The following EME2 variants were observed in gnomAD, a reference collection of about 807,000 sequenced individuals.
EME2 encodes the protein essential meiotic structure-specific endonuclease subunit 2.
Under a neutral mutation model 41.9 loss-of-function variants are expected in EME2, and 58 were observed. That is an observed-to-expected ratio of 1.38 (90% CI 1.12 to 1.72). EME2 has a LOEUF of 1.72. Among genes scored for constraint, EME2 ranks in the 40% most tolerant of loss-of-function variants. The pLI is 0.00. For synonymous variants in EME2, 334 were observed against 239.3 expected, an observed-to-expected ratio of 1.40 and a Z score of -3.65; for missense variants, 695 against 541.9, an observed-to-expected ratio of 1.28 and a Z score of -2.81.
At chr16:1,774,810 A>C in intron 3 of EME2, 1 of 597,360 alleles carries the variant, frequency 1.7e-6, no homozygotes, top group South Asian at 2.0e-5. Context: ...TGAGGGGCTC[A>C]ATGGAACTGA....
Position 1,776,244 on chromosome 16 carries a change from C to G in EME2, c.*6C>G, listed in dbSNP as rs746546478. The G allele has an allele frequency of 6.2e-7, 1 of 1,611,970 alleles. No homozygotes were observed. The highest frequency in any genetic ancestry group is 1.7e-5 in the Admixed American group (1 of 59,954). ...TGCTGGACCTGGGCTCCTGACCACA[C>G]GTGGGACCACCAGGACAGCATGCAG... On this transcript the variant is annotated 3_prime_UTR_variant, in exon 8 of 8. Transcript: ENST00000568449.
chr16:1,777,024 A>G lies in EME2; in HGVS notation c.*786A>G, dbSNP rs941886713. ...TCCGCCCTGGAGTGTGGCTGGAAGG[A>G]AGGGACAGAGAAAGAAGGGACAGAG... On this transcript the variant is annotated 3_prime_UTR_variant, in exon 8 of 8. Coordinates refer to ENST00000568449, the MANE Select transcript of EME2 (RefSeq NM_001257370.2). The G allele has an allele frequency of 1.3e-6, 2 of 1,514,060 alleles. No homozygotes were observed. Among genetic ancestry groups the G allele is most frequent in the African/African-American group, 1.4e-5 (1 of 72,546 alleles). The allele number at this position is 1,514,060 out of a possible 1,614,324, so 93.8% of individuals were successfully genotyped here.
At position 1,778,595 on chromosome 16, in the gene EME2, G is replaced by A. The variant is rs779190396; in HGVS notation, c.*2357G>A. The A allele has an allele frequency of 1.7e-5, 26 of 1,572,118 alleles. No homozygotes were observed. The highest frequency in any genetic ancestry group is 1.6e-4 in the Admixed American group (9 of 56,762). On this transcript the variant is annotated 3_prime_UTR_variant, in exon 8 of 8. Transcript: ENST00000568449. ...GCGGCAGCGTGGAGTACTCGGGGTC[G>A]GAGTCCGAGTCGCTGTGCTGGGAGA...
Position 1,781,332 on chromosome 16 carries a change from C to T in EME2, c.*5094C>T, listed in dbSNP as rs770544428. 8.7e-6 allele frequency: 14 copies of T among 1,612,878 alleles called. No individual in the cohort carries two copies. Among genetic ancestry groups the T allele is most frequent in the Non-Finnish European group, 1.1e-5 (13 of 1,179,992 alleles). ...GCATCTCCACACCTTAGGCCAGCCA[C>T]GTCCGCCTCGCCCGCTGGAACCTAC... On this transcript the variant is annotated 3_prime_UTR_variant, in exon 8 of 8. Transcript: ENST00000568449.
chr16:1,773,078 C>A lies in EME2; in HGVS notation c.-150C>A. The A allele has an allele frequency of 7.1e-7, 1 of 1,413,774 alleles. No homozygotes were observed. Among genetic ancestry groups the A allele is most frequent in the South Asian group, 1.6e-5 (1 of 64,172 alleles). The allele number at this position is 1,413,774 out of a possible 1,614,324, so 87.6% of individuals were successfully genotyped here. ...CCCGCAGGGCGCGCACGCGGCGGGC[C>A]AGCTCCGCGATCAGCCGCGGACGCA... On this transcript the variant is annotated 5_prime_UTR_variant, in exon 1 of 8. Coordinates refer to ENST00000568449, the MANE Select transcript of EME2 (RefSeq NM_001257370.2).
chr16:1,774,490 C>T, intron 3 of EME2, 138 bp downstream of exon 3: 1 of 685,264 alleles, frequency 1.5e-6, no homozygotes. Context: ...CTCTCTGATC[C>T]AAAGCCGTAG....
intron 4 of EME2, 87 bp from the exon 5 acceptor site, chr16:1,775,228 C>T (rs938045447): frequency 3.8e-6 from 6 of 1,587,728 alleles, no homozygotes; most frequent in African/African-American, 1.3e-5. Flanking sequence ...CAGCTGATCC[C>T]ACTTCTCCAG....
intron 4 of EME2, 37 bp from the exon 5 acceptor site, chr16:1,775,278 C>A (rs745566660): frequency 6.2e-7 from 1 of 1,606,358 alleles, no homozygotes; most frequent in Non-Finnish European, 8.5e-7. Flanking sequence ...AGGGCAGGCC[C>A]CATGGGGAGC....
Position 1,778,493 on chromosome 16 carries a change from A to G in EME2, c.*2255A>G. 3.1e-6 allele frequency: 5 copies of G among 1,611,978 alleles called. No homozygotes were observed. The highest frequency in any genetic ancestry group is 4.2e-6 in the Non-Finnish European group (5 of 1,179,586). ...CCCGGTGGGCCGAGTGCAGGCTGCTACAGAAGGAGGCCTCGCTCTGCCCAG... is the reference window on the plus strand; with the variant it reads ...CCCGGTGGGCCGAGTGCAGGCTGCTGCAGAAGGAGGCCTCGCTCTGCCCAG... On this transcript the variant is annotated 3_prime_UTR_variant, in exon 8 of 8. Transcript: ENST00000568449.
rs2042694116 is a variant in EME2, at chr16:1,775,331, T to TC, written c.589dup (p.Arg197ProfsTer113). 1 of 1,610,534 alleles carries TC rather than the reference T, an allele frequency of 6.2e-7. No individual in the cohort carries two copies. The highest frequency in any genetic ancestry group is 1.1e-5 in the South Asian group (1 of 91,082). On this transcript the variant is annotated frameshift_variant, in exon 5 of 8. Coordinates refer to ENST00000568449, the MANE Select transcript of EME2 (RefSeq NM_001257370.2). LOFTEE classifies it high-confidence loss of function. ...TCTGCTCAGGTCTCGCCAGCACGTT[T>TC]CCCGGGGGACACAGCAGCCAGAGAG...
rs1473220751 is a variant in EME2 at position 1,776,160 on chromosome 16, G to A, written c.1062G>A (p.Val354=). The change falls in exon 8 of 8, where the codon GTG becomes GTA. Residue 354 remains valine, a synonymous_variant. Coordinates refer to ENST00000568449, the MANE Select transcript of EME2 (RefSeq NM_001257370.2). ...GTGAAGGCGGGCGTCCCCGCAGGGTGGGGCCTGACCTCTCCCGCCGCATCT... is the reference window on the plus strand; with the variant it reads ...GTGAAGGCGGGCGTCCCCGCAGGGTAGGGCCTGACCTCTCCCGCCGCATCT... ...PPSEGGRPRR[V]GPDLSRRICL... The A allele has an allele frequency of 1.9e-6, 3 of 1,612,496 alleles. No individual in the cohort carries two copies. Among genetic ancestry groups the A allele is most frequent in the African/African-American group, 2.7e-5 (2 of 75,066 alleles).
intron 4 of EME2, 43 bp downstream of exon 4, chr16:1,775,175 G>C (rs199824896): frequency 1.9e-6 from 3 of 1,601,334 alleles, no homozygotes; most frequent in Middle Eastern, 1.7e-4. Flanking sequence ...GGCTGGGACG[G>C]GGGTTCAGGG....
In EME2 at chr16:1,777,989, G is replaced by T. The variant is rs562067195; in HGVS notation, c.*1751G>T. The T allele has an allele frequency of 6.2e-7, 1 of 1,613,158 alleles. No individual in the cohort carries two copies. Among genetic ancestry groups the T allele is most frequent in the Admixed American group, 1.7e-5 (1 of 60,022 alleles). ...AGCTGTCCTCATCCCTGCCCAGCAG[G>T]CTGCAGAACGTGTGGCGGTATTTGT... On this transcript the variant is annotated 3_prime_UTR_variant, in exon 8 of 8. Transcript: ENST00000568449.
Position 1,775,917 on chromosome 16 carries a change from C to G in EME2, c.900C>G (p.Phe300Leu). Residue 300 changes from phenylalanine (F) to leucine (L), a missense_variant, in exon 7 of 8, where the codon TTC becomes TTG. Phe to Leu is a conservative substitution (Grantham distance 22). Coordinates refer to ENST00000568449, the MANE Select transcript of EME2 (RefSeq NM_001257370.2). Reference sequence around the variant, plus strand: ...CCTGGCGGAGGCAGATCAGGCAGTTCAGTCGGGTCAGCCCAGCCGTGGCTG... The same window carrying G: ...CCTGGCGGAGGCAGATCAGGCAGTTGAGTCGGGTCAGCCCAGCCGTGGCTG... ...QAAWRRQIRQ[F>L]SRVSPAVADA... is the part of the protein sequence containing the mutation. The G allele has an allele frequency of 6.2e-7, 1 of 1,612,218 alleles. No individual in the cohort carries two copies. Among genetic ancestry groups the G allele is most frequent in the Non-Finnish European group, 8.5e-7 (1 of 1,179,792 alleles).
In EME2 at chr16:1,775,411, G is replaced by A. The variant is rs2042696013; in HGVS notation, c.663+3G>A. The A allele has an allele frequency of 6.2e-7, 1 of 1,612,562 alleles. No homozygotes were observed. The highest frequency in any genetic ancestry group is 1.3e-5 in the African/African-American group (1 of 75,074). On this transcript the variant is annotated splice_donor_region_variant and intron_variant, in intron 5 of 7. Coordinates refer to ENST00000568449, the MANE Select transcript of EME2 (RefSeq NM_001257370.2). ...TCAGCTGGCCGGAGGTGGAAGAGGT[G>A]AGGGCCTGTCTGAGCTGGGTGAGTC...
At position 1,780,729 on chromosome 16, in the gene EME2, T is replaced by A. The variant is rs974128872; in HGVS notation, c.*4491T>A. ...GAAATGGGCTGGGTAAACCAAAGAA[T>A]TTTTTTGTTTTTGTTTTTTTTGAGT... is the stretch of plus-strand genomic sequence containing the variant. On this transcript the variant is annotated 3_prime_UTR_variant, in exon 8 of 8. Coordinates refer to ENST00000568449, the MANE Select transcript of EME2 (RefSeq NM_001257370.2). 1 of 163,590 alleles carries A rather than the reference T, an allele frequency of 6.1e-6. No homozygotes were observed. The highest frequency in any genetic ancestry group is 1.4e-5 in the Non-Finnish European group (1 of 73,928). 10.1% of individuals were successfully genotyped at this position (163,590 alleles called of 1,614,324 possible).
In EME2 at chr16:1,773,737, ATGGAGGCCC is replaced by A. The variant is rs557282646; in HGVS notation, c.293_301del (p.Glu98_Leu100del). The stretch of plus-strand genomic sequence containing the variant: ...GGAAGACGCCGGTGCCGACGTCCTG[ATGGAGGCCC>A]TGGAGGCCCTGGGCTGCGAGTGCCG... On this transcript the variant is annotated inframe_deletion, in exon 2 of 8. Coordinates refer to ENST00000568449, the MANE Select transcript of EME2 (RefSeq NM_001257370.2). The A allele has an allele frequency of 6.5e-5, 101 of 1,549,032 alleles. No homozygotes were observed. The highest frequency in any genetic ancestry group is 1.5e-4 in the African/African-American group (11 of 73,020).
chr16:1,773,530 C>T (rs1489484337), intron 1 of EME2, 56 bp downstream of exon 1: 19 of 1,541,998 alleles, frequency 1.2e-5, no homozygotes, highest in East Asian at 2.4e-5. Flanking sequence ...CTCCGCCAGG[C>T]GGCGCCCTCT....
chr16:1,781,521 A>C lies in EME2; in HGVS notation c.*5283A>C. 6.2e-7 allele frequency: 1 copy of C among 1,603,824 alleles called. No homozygotes were observed. Among genetic ancestry groups the C allele is most frequent in the Non-Finnish European group, 8.5e-7 (1 of 1,175,104 alleles). Reference sequence around the variant, plus strand: ...CTAGAAGAAAACACAGGCTCTGGGCAAAGGAAGACTCACAGCACTCCCAGC... The same window carrying C: ...CTAGAAGAAAACACAGGCTCTGGGCCAAGGAAGACTCACAGCACTCCCAGC... On this transcript the variant is annotated 3_prime_UTR_variant, in exon 8 of 8. Coordinates refer to ENST00000568449, the MANE Select transcript of EME2 (RefSeq NM_001257370.2).
Sources: gnomAD v4.1 joint callset for allele counts on GRCh38, gnomAD v4.1.1 for gene constraint, MANE v1.5 for transcripts, NCBI Gene and HGNC (gene_info 2026-07-23, HGNC 2026-07-21) for gene names.